HPSE2: variants seen among roughly 807,000 people sequenced by gnomAD.
The protein encoded by HPSE2 is heparanase 2 (inactive).
Under a neutral mutation model 60.5 loss-of-function variants are expected in HPSE2, and 38 were observed. The ratio of observed to expected loss-of-function variants is 0.63; its 90% confidence interval spans 0.48 to 0.82. HPSE2 has a LOEUF of 0.82. Ranked by LOEUF, HPSE2 falls within the 40% of genes least tolerant of loss-of-function variation. The pLI is 0.00. For missense variants in HPSE2, 713 were observed against 740.4 expected (o/e 0.96, Z 0.43); for synonymous variants, 295 against 293.2 (o/e 1.01, Z -0.06).
intron 3 of HPSE2, among the ~76,000 whole-genome samples, chr10:98,852,746 A>T (rs1383221941): frequency 6.6e-6 from 1 of 152,214 alleles, no homozygotes; most frequent in African/African-American, 2.4e-5. Flanking sequence ...TTGTGGTGTG[A>T]GAATAGAAGG....
rs189777829 is a variant in HPSE2 at position 98,736,183 on chromosome 10, G to T, written c.784+7700C>A. Reference sequence around the variant, plus strand: ...GTGAATAAGTCTCGCAAGAGCTGAGGATTTTATAAGGGGTTTCCCCTTTTG... The same window carrying T: ...GTGAATAAGTCTCGCAAGAGCTGAGTATTTTATAAGGGGTTTCCCCTTTTG... On this transcript the variant is annotated intron_variant, in intron 4 of 11. Coordinates refer to ENST00000370552, the MANE Select transcript of HPSE2 (RefSeq NM_021828.5). 2.0e-3 allele frequency among the ~76,000 whole-genome samples: 301 copies of T among 147,598 alleles called. 5 individuals carry two copies. The highest frequency in any genetic ancestry group is 8.2e-4 in the East Asian group (4 of 4,872).
At chr10:98,820,342 T>C (rs1014573547) in intron 3 of HPSE2, among the ~76,000 whole-genome samples, 3 of 152,138 alleles carry the variant, frequency 2.0e-5, no homozygotes, top group Non-Finnish European at 4.4e-5. Context: ...CCCAGGACCA[T>C]GTCAAACATT....
chr10:99,134,981 G>GC (rs1845587649), intron 3 of HPSE2, among the ~76,000 whole-genome samples: 1 of 152,090 alleles, frequency 6.6e-6, no homozygotes, highest in South Asian at 2.1e-4. Context: ...CAGCCCACCT[G>GC]CAAAGACACA....
chr10:99,238,385 T>C (rs372441287), upstream of HPSE2, among the ~76,000 whole-genome samples: 8 of 152,344 alleles, frequency 5.3e-5, no homozygotes, highest in East Asian at 1.3e-3. Flanking sequence ...AACTACTCTA[T>C]AATGGTTTAT....
chr10:99,011,333 G>C (rs1274112860), intron 3 of HPSE2, among the ~76,000 whole-genome samples: 1 of 151,858 alleles, frequency 6.6e-6, no homozygotes. Flanking sequence ...TTCAAAGTTG[G>C]ATCAATACTT....
intron 3 of HPSE2, among the ~76,000 whole-genome samples, chr10:98,775,985 T>C (rs1950331422): frequency 1.3e-5 from 2 of 152,158 alleles, no homozygotes; most frequent in African/African-American, 4.8e-5. Flanking sequence ...AGTTCATCTT[T>C]TAAACTCTTC....
At chr10:98,580,836 A>ATGTGTGTGTGTG (rs1244040035) in intron 9 of HPSE2, among the ~76,000 whole-genome samples, 14 of 119,466 alleles carry the variant, frequency 1.2e-4, no homozygotes, top group African/African-American at 5.0e-4. Flanking sequence ...ATATATATAT[A>ATGTGTGTGTGTG]TGTGTGTGTG....
chr10:98,951,853 A>G (rs1042444309), intron 3 of HPSE2, among the ~76,000 whole-genome samples: 12 of 152,160 alleles, frequency 7.9e-5, no homozygotes, highest in African/African-American at 2.9e-4. Flanking sequence ...TCTCTACTAC[A>G]AGCTTAACAG....
At chr10:98,742,974 CTTTT>C (rs35772316) in intron 4 of HPSE2, among the ~76,000 whole-genome samples, 3 of 99,780 alleles carry the variant, frequency 3.0e-5, no homozygotes, top group Non-Finnish European at 2.1e-5. Flanking sequence ...CTTTTCTTTT[CTTTT>C]TTTTTTTTTT....
intron 3 of HPSE2, among the ~76,000 whole-genome samples, chr10:98,948,675 T>C (rs1955260443): frequency 6.6e-6 from 1 of 152,070 alleles, no homozygotes. Flanking sequence ...TCTATAAAGT[T>C]ACAAGACGTG....
chr10:99,154,657 T>C (rs1016601610), intron 2 of HPSE2, among the ~76,000 whole-genome samples: 22 of 151,638 alleles, frequency 1.5e-4, no homozygotes, highest in African/African-American at 4.8e-4. Flanking sequence ...CATGCCAAAA[T>C]ATAAAGACCA....
At chr10:98,832,690 C>A (rs938806507) in intron 3 of HPSE2, among the ~76,000 whole-genome samples, 9 of 152,036 alleles carry the variant, frequency 5.9e-5, no homozygotes, top group African/African-American at 2.2e-4. Context: ...GAGAAGGTGA[C>A]CAGATACCAC....
chr10:99,099,376 C>T (rs900165878), intron 3 of HPSE2, among the ~76,000 whole-genome samples: 8 of 152,222 alleles, frequency 5.3e-5, no homozygotes, highest in African/African-American at 7.2e-5. Flanking sequence ...GACCCATGCC[C>T]GTGGAGTCTC....
chr10:98,824,509 C>T lies in HPSE2; in HGVS notation c.611-80453G>A, dbSNP rs182411585. Among the ~76,000 whole-genome samples the T allele has an allele frequency of 2.2e-4, 34 of 152,214 alleles. No homozygotes were observed. In the East Asian group the frequency reaches 2.9e-3, roughly 13 times the overall value. Reference sequence around the variant, plus strand: ...TGTGCTAATGTCTCTTACTATCATACGAAGCTATCTAGGTTAAGAAAGTGT... The same window carrying T: ...TGTGCTAATGTCTCTTACTATCATATGAAGCTATCTAGGTTAAGAAAGTGT... On this transcript the variant is annotated intron_variant, in intron 3 of 11. Coordinates refer to ENST00000370552, the MANE Select transcript of HPSE2 (RefSeq NM_021828.5).
At chr10:99,099,990 G>A (rs550692580) in intron 3 of HPSE2, among the ~76,000 whole-genome samples, 15 of 152,268 alleles carry the variant, frequency 9.9e-5, no homozygotes, top group African/African-American at 3.6e-4. Context: ...AACCCCATCT[G>A]TATGTCACCA....
chr10:98,854,845 A>G (rs778696080), intron 3 of HPSE2, among the ~76,000 whole-genome samples: 8 of 152,218 alleles, frequency 5.3e-5, no homozygotes, highest in African/African-American at 9.6e-5. Context: ...CTTATACATC[A>G]TATTTACCTA....
intron 3 of HPSE2, among the ~76,000 whole-genome samples, chr10:98,866,531 A>G (rs1474547288): frequency 6.6e-6 from 1 of 152,114 alleles, no homozygotes; most frequent in African/African-American, 2.4e-5. Flanking sequence ...CATCCTAAGC[A>G]TAAGAAACAT....
At chr10:98,742,579 T>C (rs1949524350) in intron 4 of HPSE2, among the ~76,000 whole-genome samples, 1 of 152,190 alleles carries the variant, frequency 6.6e-6, no homozygotes, top group African/African-American at 2.4e-5. Context: ...TCACATATTT[T>C]CATATCTATA....
chr10:99,236,373 A>C (rs1406963537), upstream of HPSE2, among the ~76,000 whole-genome samples: 2 of 152,002 alleles, frequency 1.3e-5, no homozygotes, highest in East Asian at 3.9e-4. Context: ...CGAAAGCCCC[A>C]GCGCCAACCC....
Sources: gnomAD v4.1 joint callset for allele counts (sites outside exome capture counted in the v4.1 genomes callset) on GRCh38, gnomAD v4.1.1 for gene constraint, MANE v1.5 for transcripts, NCBI Gene and HGNC (gene_info 2026-07-23, HGNC 2026-07-21) for gene names.